Variants in PRAM1 observed in about 807,000 individuals in gnomAD.
PRAM1 encodes the protein PML-RARA regulated adaptor molecule 1.
A neutral mutation model predicts 55.3 loss-of-function variants in PRAM1; 41 were observed. That is an observed-to-expected ratio of 0.74 (90% CI 0.58 to 0.96). The LOEUF is 0.96. Ranked by LOEUF, PRAM1 falls within the 40% of genes least tolerant of loss-of-function variation. The pLI, the probability that PRAM1 is intolerant of heterozygous loss-of-function variation, is 0.00. For synonymous variants in PRAM1, 401 were observed against 387.1 expected, an observed-to-expected ratio of 1.04 and a Z score of -0.42; for missense variants, 898 against 892.7, an observed-to-expected ratio of 1.01 and a Z score of -0.08.
In PRAM1 at chr19:8,499,296, TCGGG is replaced by T; in HGVS notation, c.508_511del (p.Pro170ThrfsTer39). 1.9e-6 allele frequency: 3 copies of T among 1,609,260 alleles called. No homozygotes were observed. The highest frequency in any genetic ancestry group is 2.5e-6 in the Non-Finnish European group (3 of 1,177,746). On this transcript the variant is annotated frameshift_variant, in exon 2 of 10. Coordinates refer to ENST00000423345, the MANE Select transcript of PRAM1 (RefSeq NM_032152.5). LOFTEE classifies it high-confidence loss of function. ...GGGTCTGGCGGGGTGACTGAGTTCG[TCGGG>T]CTGCAGGGGTTTCCGGGCCGGCGCA... is the stretch of plus-strand genomic sequence containing the variant.
Position 8,498,286 on chromosome 19 carries a change from A to AGATC in PRAM1, c.1433-1_1435dup (p.Leu479ArgfsTer19). On this transcript the variant is annotated frameshift_variant, in exon 3 of 10. Transcript: ENST00000423345. LOFTEE classifies it high-confidence loss of function. ...CCCAGCGGCCGAGCGGGTCCTCCGT[A>AGATC]GATCTGTGGGGTAGAGAGTAGGGCA... The AGATC allele has an allele frequency of 6.2e-7, 1 of 1,612,054 alleles. No homozygotes were observed. The highest frequency in any genetic ancestry group is 8.5e-7 in the Non-Finnish European group (1 of 1,179,382).
Position 8,490,659 on chromosome 19 carries a change from T to G in PRAM1, c.1841A>C (p.Glu614Ala). The G allele has an allele frequency of 6.3e-7, 1 of 1,589,646 alleles. No homozygotes were observed. The highest frequency in any genetic ancestry group is 8.6e-7 in the Non-Finnish European group (1 of 1,167,892). Reference sequence around the variant, plus strand: ...GGTGAACTCGATCACCTCCAGGATCTCCCCGCGCCGGATCCCGAGGTGCTT... The same window carrying G: ...GGTGAACTCGATCACCTCCAGGATCGCCCCGCGCCGGATCCCGAGGTGCTT... ...GGKHLGIRRG[E>A]ILEVIEFTSN... is the part of the protein sequence containing the mutation. Residue 614 changes from glutamate (E) to alanine (A), a missense_variant, in exon 7 of 10, where the codon GAG becomes GCG. Glu to Ala is a moderately radical substitution (Grantham distance 107, BLOSUM62 -1). Around this residue, in one of 4 missense-constraint regions of PRAM1, gnomAD observed 787 missense variants for 735.4 expected, o/e 1.07. Transcript: ENST00000423345. The surrounding 1 kb of genome is among the most constrained non-coding windows in gnomAD (Gnocchi z 7.3).
At chr19:8,497,655 G>T in intron 4 of PRAM1, 109 bp downstream of exon 4, 2 of 850,834 alleles carry the variant, frequency 2.4e-6, no homozygotes, top group Non-Finnish European at 3.7e-6. Flanking sequence ...GTTCCACCCA[G>T]CAGGAGCCAG....
chr19:8,498,109 A>G, intron 3 of PRAM1, 114 bp downstream of exon 3: 1 of 1,148,184 alleles, frequency 8.7e-7, no homozygotes, highest in South Asian at 1.4e-5. Flanking sequence ...CGAACTCCTG[A>G]CTTCAGGAGA....
chr19:8,494,805 G>A (rs776385112), intron 4 of PRAM1, among the ~76,000 whole-genome samples: 1 of 151,140 alleles, frequency 6.6e-6, no homozygotes. Flanking sequence ...CTAATTTTTT[G>A]TATTTTTAGT....
At chr19:8,495,757 G>A (rs766083985) in intron 4 of PRAM1, among the ~76,000 whole-genome samples, 8 of 151,554 alleles carry the variant, frequency 5.3e-5, no homozygotes, top group Non-Finnish European at 1.0e-4. Context: ...ACAGATTTAG[G>A]GACAGGCAGG....
chr19:8,494,624 CTATTT>C (rs1479071458), intron 4 of PRAM1, among the ~76,000 whole-genome samples: 3 of 141,688 alleles, frequency 2.1e-5, no homozygotes, highest in Non-Finnish European at 3.0e-5. Context: ...CCTTGCGTAC[CTATTT>C]TTTTTTCTTT....
chr19:8,491,129 G>A lies in PRAM1; in HGVS notation c.1605C>T (p.Ala535=), dbSNP rs1313086283. 1.9e-6 allele frequency: 3 copies of A among 1,611,978 alleles called. No individual in the cohort carries two copies. The highest frequency in any genetic ancestry group is 1.7e-5 in the Admixed American group (1 of 59,978). Residue 535 remains alanine, a synonymous_variant, in exon 5 of 10, where the codon GCC becomes GCT. Transcript: ENST00000423345. The stretch of plus-strand genomic sequence containing the variant: ...GCGCTGGGTCTTGTGGTGGCCTCCT[G>A]GCGGCTTGCTGAACTGAGGGCGCTT... ...RDEAPSVQQA[A]RRPPQDPALR...
At position 8,498,818 on chromosome 19, in the gene PRAM1, G is replaced by A. The variant is rs1390685818; in HGVS notation, c.990C>T (p.Pro330=). The change falls in exon 2 of 10, where the codon CCC becomes CCT. Residue 330 remains proline (P), a synonymous_variant. Coordinates refer to ENST00000423345, the MANE Select transcript of PRAM1 (RefSeq NM_032152.5). ...TGAACTCGGGCTCTGAGGAGGTCCT[G>A]GGGAGGCCGCCCAGCTCGGGCTGCG... ...KPPQPELGGL[P]RTSSEPEFNS... 6.3e-7 allele frequency: 1 copy of A among 1,591,124 alleles called. No individual in the cohort carries two copies. Among genetic ancestry groups the A allele is most frequent in the Non-Finnish European group, 8.6e-7 (1 of 1,169,266 alleles).
intron 4 of PRAM1, among the ~76,000 whole-genome samples, chr19:8,492,669 G>T (rs968116507): frequency 2.6e-5 from 4 of 152,144 alleles, no homozygotes; most frequent in African/African-American, 9.7e-5. Context: ...GAAATTGGGT[G>T]TTCCATTGCA....
intron 4 of PRAM1, among the ~76,000 whole-genome samples, chr19:8,496,813 G>A (rs1364118386): frequency 2.6e-5 from 4 of 151,956 alleles, no homozygotes; most frequent in African/African-American, 9.7e-5. Flanking sequence ...CAAGGCAGGT[G>A]GATCACGAGG....
At chr19:8,494,094 G>C (rs1389022106) in intron 4 of PRAM1, among the ~76,000 whole-genome samples, 6 of 152,152 alleles carry the variant, frequency 3.9e-5, no homozygotes, top group Non-Finnish European at 8.8e-5. Flanking sequence ...CACCGCGCCC[G>C]GCCCCTTTTT....
rs931338882 is a variant in PRAM1, at chr19:8,493,914, C to T, written c.1577-2757G>A. Among the ~76,000 whole-genome samples the T allele has an allele frequency of 3.3e-5, 5 of 152,144 alleles. No individual in the cohort carries two copies. Among genetic ancestry groups the T allele is most frequent in the African/African-American group, 1.2e-4 (5 of 41,430 alleles). ...CTGGATTCAAGCGATCCTCCCACCT[C>T]AGCCTCCCCAGAAGCTGGGACTACA... is the stretch of plus-strand genomic sequence containing the variant. On this transcript the variant is annotated intron_variant, in intron 4 of 9. Coordinates refer to ENST00000423345, the MANE Select transcript of PRAM1 (RefSeq NM_032152.5). The surrounding 1 kb of genome is among the most constrained non-coding windows in gnomAD (Gnocchi z 4.1).
chr19:8,492,450 T>A (rs890333222), intron 4 of PRAM1, among the ~76,000 whole-genome samples: 1 of 150,726 alleles, frequency 6.6e-6, no homozygotes, highest in African/African-American at 2.4e-5. Context: ...ACAGATGAGG[T>A]TTCGTCATGT....
chr19:8,497,070 A>G lies in PRAM1; in HGVS notation c.1576+694T>C, dbSNP rs370031475. On this transcript the variant is annotated intron_variant, in intron 4 of 9. Transcript: ENST00000423345. Reference sequence around the variant, plus strand: ...GAATGGATGGATGGATGGATGGATGAATGAATGGAACCTAACATCTTGTCG... The same window carrying G: ...GAATGGATGGATGGATGGATGGATGGATGAATGGAACCTAACATCTTGTCG... Among the ~76,000 whole-genome samples the G allele has an allele frequency of 5.5e-4, 84 of 151,972 alleles. No homozygotes were observed. The South Asian group carries it at 0.016, about 29-fold the overall frequency.
chr19:8,490,232 G>A lies in PRAM1; in HGVS notation c.1976-6C>T, dbSNP rs1477965177. On this transcript the variant is annotated splice_polypyrimidine_tract_variant and splice_region_variant and intron_variant, in intron 9 of 9. Coordinates refer to ENST00000423345, the MANE Select transcript of PRAM1 (RefSeq NM_032152.5). The surrounding 1 kb of genome is among the most constrained non-coding windows in gnomAD (Gnocchi z 7.3). ...TGGTTGGTTTTCCAGGGGATCTGCC[G>A]AGGAAGCGTGACTTCCATGGACCCC... 20 of 1,605,976 alleles carry A rather than the reference G, an allele frequency of 1.2e-5. No individual in the cohort carries two copies. Among genetic ancestry groups the A allele is most frequent in the South Asian group, 2.2e-5 (2 of 90,100 alleles).
chr19:8,501,750 GTC>G (rs1371866511), intron 1 of PRAM1, among the ~76,000 whole-genome samples: 2 of 151,922 alleles, frequency 1.3e-5, no homozygotes, highest in Non-Finnish European at 2.9e-5. Context: ...CTCTCACACC[GTC>G]TCTGACATGC....
rs1429588077 is a variant in PRAM1 at position 8,490,618 on chromosome 19, G to T, written c.1882C>A (p.Leu628Met). 1 of 1,585,056 alleles carries T rather than the reference G, an allele frequency of 6.3e-7. No homozygotes were observed. The highest frequency in any genetic ancestry group is 2.3e-5 in the East Asian group (1 of 43,214). ...CATTTGCCTTTGGGGTCCCGGCACA[G>T]CATCTCCTCATTGCTGGTGAACTCG... ...VIEFTSNEEM[L>M]CRDPKGKYGY... The change falls in exon 7 of 10, where the codon CTG (leucine) becomes ATG (methionine). Residue 628 changes from leucine (L) to methionine (M), a missense_variant. Physicochemically the swap from Leu to Met is conservative, Grantham distance 15. Transcript: ENST00000423345. This position sits in a 1 kb window ranked among gnomAD's most constrained non-coding sequence, Gnocchi z 7.3.
At chr19:8,491,450 C>G (rs1971628412) in intron 4 of PRAM1, 3 of 497,956 alleles carry the variant, frequency 6.0e-6, no homozygotes, top group South Asian at 4.2e-5. Flanking sequence ...CCAGGCTGGT[C>G]TTGAACTCCT....
Sources: gnomAD v4.1 joint callset for allele counts (sites outside exome capture counted in the v4.1 genomes callset) on GRCh38, gnomAD v4.1.1 for gene constraint, gnomAD v4.1.1 regional missense constraint, Gnocchi (gnomAD v3.1) non-coding constraint, MANE v1.5 for transcripts, NCBI Gene and HGNC (gene_info 2026-07-23, HGNC 2026-07-21) for gene names.